Variants in ANK2 observed in about 807,000 individuals in gnomAD.
ANK2 encodes ankyrin 2.
ANK2 carries 83 observed loss-of-function variants against 360.5 expected under a neutral mutation model. That is an observed-to-expected ratio of 0.23 (90% CI 0.19 to 0.28). ANK2 has a LOEUF of 0.28. Among genes scored for constraint, ANK2 ranks in the 10% least tolerant of loss-of-function variants. The pLI, the probability that ANK2 is intolerant of heterozygous loss-of-function variation, is 1.00. For missense variants in ANK2, 4,201 were observed against 4,795.7 expected, an observed-to-expected ratio of 0.88 and a Z score of 3.66; for synonymous variants, 1,740 against 1,759.5, an observed-to-expected ratio of 0.99 and a Z score of 0.28.
At chr4:113,185,770 A>G (rs7686618) in intron 2 of ANK2, among the ~76,000 whole-genome samples, 47,910 of 152,030 alleles carry the variant, frequency 0.32, 8,178 homozygotes, top group African/African-American at 0.44. Flanking sequence ...TGTTTTAGTC[A>G]TGAAGTCTTT....
In ANK2 at chr4:113,021,541, C is replaced by CACACACACACACACACATATATATAT. The variant is rs1489947974; in HGVS notation, c.21+117028_21+117029insCACACACACACACACATATATATATA. Among the ~76,000 whole-genome samples, 36 of 95,628 alleles carry CACACACACACACACACATATATATAT rather than the reference C, an allele frequency of 3.8e-4. 1 individual carries two copies. Among genetic ancestry groups the CACACACACACACACACATATATATAT allele is most frequent in the Non-Finnish European group, 5.9e-4 (26 of 44,124 alleles). 62.7% of individuals were successfully genotyped at this position (95,628 alleles called of 152,430 possible). ...ATACACACACACACCCACACACAAA[C>CACACACACACACACACATATATATAT]ATATATATATATATATATATATATA... is the stretch of plus-strand genomic sequence containing the variant. On this transcript the variant is annotated intron_variant, in intron 2 of 30. Transcript: ENST00000503271.
the ANK2 span, among the ~76,000 whole-genome samples, chr4:112,802,892 C>G: frequency 6.6e-6 from 1 of 152,132 alleles, no homozygotes; most frequent in African/African-American, 2.4e-5. Context: ...GTTGCTACTT[C>G]TTATTTATTC....
chr4:113,163,493 G>A (rs1336219450), intron 1 of ANK2, among the ~76,000 whole-genome samples: 3 of 151,510 alleles, frequency 2.0e-5, no homozygotes, highest in Admixed American at 6.6e-5. Context: ...GGCCGGGCAC[G>A]GTGGCTCACT....
At chr4:113,225,591 A>G (rs1012130966) in intron 4 of ANK2, among the ~76,000 whole-genome samples, 10 of 152,168 alleles carry the variant, frequency 6.6e-5, no homozygotes, top group African/African-American at 1.9e-4. Context: ...TAATAATGAC[A>G]ATGCTTAGAG....
chr4:112,891,328 A>G (rs2079967734), intron 1 of ANK2, among the ~76,000 whole-genome samples: 1 of 152,180 alleles, frequency 6.6e-6, no homozygotes, highest in South Asian at 2.1e-4. Flanking sequence ...CAAAATTAAT[A>G]ATCTTGTGCT....
intron 1 of ANK2, among the ~76,000 whole-genome samples, chr4:113,088,929 G>A (rs75131664): frequency 0.01 from 1,563 of 152,176 alleles, 28 homozygotes; most frequent in African/African-American, 0.035. Flanking sequence ...TTTTTGAGCC[G>A]TAGTTCTGCT....
At chr4:112,973,701 G>T (rs2040393159) in intron 2 of ANK2, among the ~76,000 whole-genome samples, 2 of 152,156 alleles carry the variant, frequency 1.3e-5, no homozygotes, top group Admixed American at 1.3e-4. Flanking sequence ...CAGATGCAAG[G>T]CCACTTCTAG....
chr4:112,733,323 A>AT, the ANK2 span, among the ~76,000 whole-genome samples: 1 of 152,186 alleles, frequency 6.6e-6, no homozygotes, highest in Non-Finnish European at 1.5e-5. Flanking sequence ...ATGATTATAT[A>AT]TTAAGTGCCT....
chr4:113,277,164 G>GTT (rs1218451375), intron 15 of ANK2, among the ~76,000 whole-genome samples: 1 of 152,226 alleles, frequency 6.6e-6, no homozygotes, highest in Admixed American at 6.5e-5. Flanking sequence ...GCTTCAGTGT[G>GTT]TTTAAAAGTC....
At chr4:112,928,915 T>C (rs2092885615) in intron 2 of ANK2, among the ~76,000 whole-genome samples, 1 of 150,906 alleles carries the variant, frequency 6.6e-6, no homozygotes, top group Non-Finnish European at 1.5e-5. Context: ...TGCAGTGGTG[T>C]GATCTCAGCT....
Position 113,318,574 on chromosome 4 carries a change from G to A in ANK2, c.2854G>A (p.Glu952Lys), listed in dbSNP as rs777929078. The change falls in exon 26 of 46, where the codon GAG (glutamate) becomes AAG (lysine). Residue 952 changes from glutamate to lysine, a missense_variant. Coordinates refer to ENST00000357077, the MANE Select transcript of ANK2 (RefSeq NM_001148.6). ...RNSYRLSWGT[E>K]NLDNVALSSS... Reference sequence around the variant, plus strand: ...TTCTTATCGCCTAAGCTGGGGCACTGAGAACTTAGACAACGTGGCTCTTTC... The same window carrying A: ...TTCTTATCGCCTAAGCTGGGGCACTAAGAACTTAGACAACGTGGCTCTTTC... 6 of 1,613,772 alleles carry A rather than the reference G, an allele frequency of 3.7e-6. No individual in the cohort carries two copies. Among genetic ancestry groups the A allele is most frequent in the Non-Finnish European group, 5.1e-6 (6 of 1,179,818 alleles).
chr4:113,038,571 G>A (rs2062133964), intron 2 of ANK2, among the ~76,000 whole-genome samples: 1 of 151,816 alleles, frequency 6.6e-6, no homozygotes, highest in African/African-American at 2.4e-5. Context: ...CCTTCCATAT[G>A]CTCTTCAGCA....
At chr4:112,909,945 G>C (rs987653891) in intron 2 of ANK2, among the ~76,000 whole-genome samples, 2 of 152,084 alleles carry the variant, frequency 1.3e-5, no homozygotes, top group South Asian at 4.2e-4. Flanking sequence ...CTCTATTATA[G>C]TTACTATGAT....
intron 2 of ANK2, among the ~76,000 whole-genome samples, chr4:113,040,012 AT>A (rs2062564088): frequency 6.6e-6 from 1 of 152,032 alleles, no homozygotes; most frequent in South Asian, 2.1e-4. Context: ...GTTTACAGTA[AT>A]AAATTAAGTT....
chr4:113,230,341 C>A (rs998878924), intron 4 of ANK2, among the ~76,000 whole-genome samples: 3 of 152,026 alleles, frequency 2.0e-5, no homozygotes, highest in Non-Finnish European at 4.4e-5. Flanking sequence ...ACAATGTATA[C>A]AGAAGAATTT....
At chr4:113,231,734 G>C (rs2099310088) in intron 4 of ANK2, among the ~76,000 whole-genome samples, 1 of 151,942 alleles carries the variant, frequency 6.6e-6, no homozygotes, top group African/African-American at 2.4e-5. Flanking sequence ...CTCCCGAGTA[G>C]CTGGGATTAC....
intron 1 of ANK2, among the ~76,000 whole-genome samples, chr4:113,078,989 C>T (rs1208043700): frequency 6.6e-6 from 1 of 152,086 alleles, no homozygotes; most frequent in East Asian, 1.9e-4. Context: ...TCATTAAACC[C>T]ATTTACGTTT....
chr4:112,775,725 T>C, the ANK2 span, among the ~76,000 whole-genome samples: 418 of 152,202 alleles, frequency 2.7e-3, no homozygotes, highest in African/African-American at 9.7e-3. Context: ...GGAGTATTCA[T>C]ATAGGGAGAC....
chr4:113,157,807 C>A (rs2097357814), intron 1 of ANK2, among the ~76,000 whole-genome samples: 1 of 152,156 alleles, frequency 6.6e-6, no homozygotes, highest in Non-Finnish European at 1.5e-5. Flanking sequence ...TAGGACTTAC[C>A]AGTTATCAAT....
Sources: gnomAD v4.1 joint callset for allele counts (sites outside exome capture counted in the v4.1 genomes callset) on GRCh38, gnomAD v4.1.1 for gene constraint, MANE v1.5 for transcripts, NCBI Gene and HGNC (gene_info 2026-07-23, HGNC 2026-07-21) for gene names.